PLXDC2: variants seen among roughly 807,000 people sequenced by gnomAD.
PLXDC2 encodes plexin domain containing 2.
PLXDC2 carries 40 observed loss-of-function variants against 68.9 expected under a neutral mutation model. The ratio of observed to expected loss-of-function variants is 0.58; its 90% CI spans 0.45 to 0.76. The LOEUF is 0.76. Ranked by LOEUF, PLXDC2 falls within the 30% of genes least tolerant of loss-of-function variation. PLXDC2 has a pLI of 0.00. For missense variants in PLXDC2, 644 were observed against 661.9 expected (o/e 0.97, Z 0.30); for synonymous variants, 243 against 234.2 (o/e 1.04, Z -0.34).
chr10:19,883,444 G>T (rs1483442089), intron 1 of PLXDC2, among the ~76,000 whole-genome samples: 1 of 152,052 alleles, frequency 6.6e-6, no homozygotes, highest in African/African-American at 2.4e-5. Context: ...AATATTCATA[G>T]CATGAAATTC....
intron 1 of PLXDC2, among the ~76,000 whole-genome samples, chr10:19,885,788 G>C (rs990680626): frequency 1.3e-5 from 2 of 152,334 alleles, no homozygotes. Context: ...CAGGTAGCAT[G>C]ATGCCTCCAG....
chr10:20,186,232 A>C (rs761371708), intron 9 of PLXDC2, among the ~76,000 whole-genome samples: 6 of 151,928 alleles, frequency 3.9e-5, no homozygotes, highest in Non-Finnish European at 4.4e-5. Flanking sequence ...CATGCTACCT[A>C]GTCATCATAG....
chr10:20,128,533 T>C (rs2460600), intron 4 of PLXDC2, among the ~76,000 whole-genome samples: 96,649 of 151,962 alleles, frequency 0.64, 31,227 homozygotes, highest in Middle Eastern at 0.71. Context: ...TCTATTCTTT[T>C]AGCAAATTTC....
At chr10:20,044,542 T>A (rs764432930) in intron 2 of PLXDC2, among the ~76,000 whole-genome samples, 5 of 151,918 alleles carry the variant, frequency 3.3e-5, no homozygotes, top group Non-Finnish European at 5.9e-5. Flanking sequence ...ACTCCTGACC[T>A]CAGGTGATCC....
At chr10:20,243,022 T>A (rs1468382194) in intron 12 of PLXDC2, among the ~76,000 whole-genome samples, 1 of 152,144 alleles carries the variant, frequency 6.6e-6, no homozygotes, top group Admixed American at 6.6e-5. Context: ...CCAATGTTAA[T>A]TCTTTAACTG....
chr10:19,854,060 C>T (rs535109966), intron 1 of PLXDC2, among the ~76,000 whole-genome samples: 41 of 152,236 alleles, frequency 2.7e-4, no homozygotes, highest in South Asian at 6.2e-4. Context: ...CTTGACCCCC[C>T]GGGGAGACTG....
intron 1 of PLXDC2, among the ~76,000 whole-genome samples, chr10:19,991,820 A>G (rs1834755624): frequency 6.6e-6 from 1 of 152,232 alleles, no homozygotes; most frequent in Non-Finnish European, 1.5e-5. Context: ...CCATTAAAAG[A>G]ATTGATTACA....
intron 1 of PLXDC2, among the ~76,000 whole-genome samples, chr10:19,942,563 GACC>G (rs1037310101): frequency 1.3e-5 from 2 of 152,124 alleles, no homozygotes; most frequent in African/African-American, 2.4e-5. Context: ...AGGAGTTCAA[GACC>G]ACCTTGGCCA....
At chr10:20,245,295 A>G in intron 12 of PLXDC2, 50 bp from the exon 13 acceptor site, 1 of 1,532,064 alleles carries the variant, frequency 6.5e-7, no homozygotes, top group South Asian at 1.3e-5. Flanking sequence ...TGAAAATGCA[A>G]ACTTGAGGGT....
At chr10:20,203,321 C>T (rs186185172) in intron 9 of PLXDC2, among the ~76,000 whole-genome samples, 223 of 148,342 alleles carry the variant, frequency 1.5e-3, no homozygotes, top group African/African-American at 5.2e-3. Flanking sequence ...GACAGAGTCT[C>T]ACTCTGTTGG....
intron 9 of PLXDC2, among the ~76,000 whole-genome samples, chr10:20,205,798 T>A (rs959160991): frequency 6.6e-6 from 1 of 152,058 alleles, no homozygotes; most frequent in African/African-American, 2.4e-5. Context: ...CCCCACCTCA[T>A]CTTACAGATG....
chr10:20,152,895 C>T (rs1269374039), intron 6 of PLXDC2, among the ~76,000 whole-genome samples: 1 of 152,098 alleles, frequency 6.6e-6, no homozygotes, highest in Non-Finnish European at 1.5e-5. Flanking sequence ...TTTCTTCCTA[C>T]AAGACAGTTT....
chr10:20,171,653 TAATC>T (rs1366294596), intron 7 of PLXDC2, among the ~76,000 whole-genome samples: 22 of 152,196 alleles, frequency 1.4e-4, no homozygotes, highest in South Asian at 2.1e-4. Flanking sequence ...AATCACTGAT[TAATC>T]AATTTTTACA....
At chr10:20,096,270 C>T (rs536711602) in intron 4 of PLXDC2, among the ~76,000 whole-genome samples, 8 of 152,214 alleles carry the variant, frequency 5.3e-5, no homozygotes, top group Middle Eastern at 3.4e-3. Flanking sequence ...CATGACTCCT[C>T]GTCACCCACT....
chr10:20,284,080 T>C lies in PLXDC2; in HGVS notation c.*4261T>C, dbSNP rs1836116228. 6.6e-6 allele frequency: 1 copy of C among 152,076 alleles called. No homozygotes were observed. Among genetic ancestry groups the C allele is most frequent in the South Asian group, 2.1e-4 (1 of 4,832 alleles). 9.4% of individuals were successfully genotyped at this position (152,076 alleles called of 1,614,324 possible). A position where few individuals can be genotyped will look rare whatever the true frequency, so the allele number is the denominator to read the frequency against. On this transcript the variant is annotated 3_prime_UTR_variant, in exon 14 of 14. Coordinates refer to ENST00000377252, the MANE Select transcript of PLXDC2 (RefSeq NM_032812.9). Reference sequence around the variant, plus strand: ...ACAGATCGCTTCAAGATGCTTTCGTTTATGATAGGAAATTAATATTTAAAT... The same window carrying C: ...ACAGATCGCTTCAAGATGCTTTCGTCTATGATAGGAAATTAATATTTAAAT...
chr10:20,152,741 T>C (rs1306140292), intron 6 of PLXDC2, among the ~76,000 whole-genome samples: 4 of 152,150 alleles, frequency 2.6e-5, no homozygotes, highest in African/African-American at 9.6e-5. Flanking sequence ...GTCTTACAGG[T>C]CTGTCTCTAT....
chr10:19,870,122 A>G (rs1837506604), intron 1 of PLXDC2, among the ~76,000 whole-genome samples: 1 of 152,244 alleles, frequency 6.6e-6, no homozygotes, highest in South Asian at 2.1e-4. Context: ...GACAAAGGGA[A>G]CAAACTTGGG....
At chr10:20,022,491 T>C (rs1682146796) in intron 2 of PLXDC2, among the ~76,000 whole-genome samples, 1 of 152,162 alleles carries the variant, frequency 6.6e-6, no homozygotes, top group South Asian at 2.1e-4. Flanking sequence ...GAAAGCCACA[T>C]GAGGGACTGC....
At chr10:20,248,432 A>G (rs1010726834) in intron 13 of PLXDC2, among the ~76,000 whole-genome samples, 1 of 152,218 alleles carries the variant, frequency 6.6e-6, no homozygotes, top group African/African-American at 2.4e-5. Context: ...GAGGCTCAGA[A>G]GAGTGGAATG....
Sources: allele counts gnomAD v4.1 joint callset (sites outside exome capture counted in the v4.1 genomes callset), GRCh38; gene constraint gnomAD v4.1.1; transcripts MANE v1.5; gene names NCBI Gene and HGNC (gene_info 2026-07-23, HGNC 2026-07-21).